Variants in CFAP70 observed in about 807,000 individuals in gnomAD.
The protein encoded by CFAP70 is cilia and flagella associated protein 70, also known as cilia- and flagella-associated protein 70.
In CFAP70, 81 loss-of-function variants were observed where a neutral mutation model predicts 137.6. The observed-to-expected ratio is 0.59, with a 90% CI of 0.49 to 0.71. The LOEUF is 0.71. Ranked by LOEUF, CFAP70 falls within the 30% of genes least tolerant of loss-of-function variation. CFAP70 has a pLI of 0.00. For missense variants in CFAP70, 976 were observed against 1,226.7 expected, an observed-to-expected ratio of 0.80 and a Z score of 3.05; for synonymous variants, 382 against 423.6, an observed-to-expected ratio of 0.90 and a Z score of 1.20.
chr10:73,291,588 G>GA, intron 18 of CFAP70, 52 bp downstream of exon 19: 3 of 1,548,572 alleles, frequency 1.9e-6, no homozygotes, highest in South Asian at 2.3e-5. Flanking sequence ...AGGAAAAAGG[G>GA]AAAATCTTAT....
At chr10:73,274,232 A>G (rs1356209134) in intron 23 of CFAP70, among the ~76,000 whole-genome samples, 2 of 152,240 alleles carry the variant, frequency 1.3e-5, no homozygotes, top group Non-Finnish European at 2.9e-5. Flanking sequence ...TTAAAATCAC[A>G]GACTCTCGTT....
chr10:73,292,164 G>A, intron 16 of CFAP70, 150 bp from the exon 18 acceptor site: 1 of 930,924 alleles, frequency 1.1e-6, no homozygotes, highest in Non-Finnish European at 1.6e-6. Context: ...CAAATGCCTA[G>A]TGCAATCACT....
intron 12 of CFAP70, among the ~76,000 whole-genome samples, chr10:73,300,331 T>C (rs945019484): frequency 6.6e-6 from 1 of 152,202 alleles, no homozygotes; most frequent in Non-Finnish European, 1.5e-5. Context: ...AAATATATTA[T>C]ACTACCTTGA....
rs1230530260 is a variant in CFAP70 at position 73,291,223 on chromosome 10, TACCTGCTGGGGCTTCC to T, written c.2226_2239+2del. 2 of 1,613,892 alleles carry T rather than the reference TACCTGCTGGGGCTTCC, an allele frequency of 1.2e-6. No homozygotes were observed. Among genetic ancestry groups the T allele is most frequent in the Admixed American group, 3.3e-5 (2 of 60,004 alleles). ...ACTCTTCACCTCTATTCCCTGGCTC[TACCTGCTGGGGCTTCC>T]ACCTTGATTGCTGTTGCAGAACCAT... On this transcript the variant is annotated splice_donor_variant and coding_sequence_variant, in exon 19 of 27. Transcript: ENST00000310715. LOFTEE classifies it high-confidence loss of function.
chr10:73,350,924 C>A (rs11000617), intron 3 of CFAP70, among the ~76,000 whole-genome samples: 1 of 149,900 alleles, frequency 6.7e-6, no homozygotes, highest in Non-Finnish European at 1.5e-5. Context: ...CCATACCCAG[C>A]TAATTTGTGT....
At chr10:73,294,998 G>A (rs1423667137) in intron 15 of CFAP70, 2 of 152,188 alleles carry the variant, frequency 1.3e-5, no homozygotes, top group East Asian at 3.9e-4. Context: ...ACCTGTGGAT[G>A]TGCTCAAGTC....
chr10:73,293,577 G>T lies in CFAP70; in HGVS notation c.1645-189C>A, dbSNP rs186851444. 9 of 460,634 alleles carry T rather than the reference G, an allele frequency of 2.0e-5. No individual in the cohort carries two copies. In the Admixed American group the frequency reaches 3.2e-4, roughly 16 times the overall value. The allele number at this position is 460,634 out of a possible 1,614,324, so 28.5% of individuals were successfully genotyped here. A position where few individuals can be genotyped will look rare whatever the true frequency, so the allele number is the denominator to read the frequency against. On this transcript the variant is annotated intron_variant, in intron 15 of 26. Coordinates refer to ENST00000310715, the Ensembl canonical transcript of CFAP70. ...CCAGGAGAGAAATGTCAAGGGTGAA[G>T]GAGAAGCTCAGGTATCTGAATACCA...
chr10:73,321,366 C>T (rs758540490), intron 9 of CFAP70, among the ~76,000 whole-genome samples: 12 of 152,004 alleles, frequency 7.9e-5, no homozygotes, highest in African/African-American at 1.2e-4. Context: ...TGCAGTAAGC[C>T]GAGATCACGC....
chr10:73,302,072 C>T lies in CFAP70; in HGVS notation c.1257-2407G>A, dbSNP rs1649724553. Among the ~76,000 whole-genome samples, 3 of 151,996 alleles carry T rather than the reference C, an allele frequency of 2.0e-5. 1 individual carries two copies. In the South Asian group the frequency reaches 6.3e-4, roughly 32 times the overall value. The stretch of plus-strand genomic sequence containing the variant: ...TATATCTTACATCTTACATGTAAGT[C>T]CCAGATGAGGGACTACTATGGCTCT... On this transcript the variant is annotated intron_variant, in intron 12 of 26. Coordinates refer to ENST00000310715, the Ensembl canonical transcript of CFAP70.
exon 16 of CFAP70, chr10:73,293,284 C>T (rs1448801342): frequency 6.2e-7 from 1 of 1,611,366 alleles, no homozygotes; most frequent in Non-Finnish European, 8.5e-7. Context: ...ATGCTGCTGC[C>T]ATCTCAAAGT....
chr10:73,361,152 C>A (rs184027704), upstream of CFAP70, among the ~76,000 whole-genome samples: 1 of 152,002 alleles, frequency 6.6e-6, no homozygotes, highest in African/African-American at 2.4e-5. Flanking sequence ...GCACCCATCA[C>A]CACGCCCGGC....
intron 15 of CFAP70, chr10:73,295,647 G>C (rs887085476): frequency 6.6e-6 from 1 of 152,088 alleles, no homozygotes; most frequent in Non-Finnish European, 1.5e-5. Flanking sequence ...TAACAATGTT[G>C]ACCACTTTTC....
At chr10:73,255,825 G>A (rs577268528) in intron 26 of CFAP70, among the ~76,000 whole-genome samples, 3 of 152,158 alleles carry the variant, frequency 2.0e-5, no homozygotes, top group East Asian at 1.9e-4. Flanking sequence ...GATTACAGGC[G>A]TGAGCCACCA....
intron 19 of CFAP70, among the ~76,000 whole-genome samples, chr10:73,279,448 C>T (rs572959387): frequency 2.5e-3 from 375 of 151,532 alleles, no homozygotes; most frequent in African/African-American, 8.6e-3. Context: ...GGCGTGAACC[C>T]GGGAGGCAGA....
chr10:73,351,039 GTA>G lies in CFAP70; in HGVS notation c.250+2515_250+2516del, dbSNP rs201514596. Among the ~76,000 whole-genome samples the G allele has an allele frequency of 8.1e-3, 1,028 of 127,462 alleles. 24 individuals carry two copies. Among genetic ancestry groups the G allele is most frequent in the Admixed American group, 0.04 (482 of 12,084 alleles). The allele number at this position is 127,462 out of a possible 152,430, so 83.6% of individuals were successfully genotyped here. ...TGTGTATATATATGTGTATATGTGT[GTA>G]TATATGTGTGTGTGTGTGTGTGTGT... On this transcript the variant is annotated intron_variant, in intron 3 of 26. Coordinates refer to ENST00000310715, the Ensembl canonical transcript of CFAP70.
chr10:73,274,752 A>C (rs2046569340), intron 22 of CFAP70, 158 bp from the exon 24 acceptor site: 2 of 690,242 alleles, frequency 2.9e-6, no homozygotes, highest in Non-Finnish European at 4.7e-6. Flanking sequence ...ACTCAGAAAC[A>C]TAACCATTTA....
intron 19 of CFAP70, among the ~76,000 whole-genome samples, chr10:73,287,461 T>G (rs909059345): frequency 6.6e-6 from 1 of 152,246 alleles, no homozygotes; most frequent in East Asian, 1.9e-4. Context: ...AAACGATGCT[T>G]TGATTATGTA....
At chr10:73,343,326 A>G (rs1203169685) in intron 5 of CFAP70, among the ~76,000 whole-genome samples, 1 of 152,194 alleles carries the variant, frequency 6.6e-6, no homozygotes, top group African/African-American at 2.4e-5. Context: ...CAACCCAGGA[A>G]ATGTCAGACC....
At chr10:73,340,575 C>T (rs1357262453) in intron 6 of CFAP70, among the ~76,000 whole-genome samples, 1 of 152,208 alleles carries the variant, frequency 6.6e-6, no homozygotes, top group Non-Finnish European at 1.5e-5. Context: ...TGCTGCCATC[C>T]ACAGTGCCCT....
Sources: allele counts gnomAD v4.1 joint callset (sites outside exome capture counted in the v4.1 genomes callset), GRCh38; gene constraint gnomAD v4.1.1; transcripts MANE v1.5; gene names NCBI Gene and HGNC (gene_info 2026-07-23, HGNC 2026-07-21).